TIAM1: variants seen among roughly 807,000 people sequenced by gnomAD.
TIAM1 encodes TIAM Rac1 associated GEF 1.
In TIAM1, 65 loss-of-function variants were observed where a neutral mutation model predicts 163.5. The observed-to-expected ratio is 0.40, with a 90% CI of 0.33 to 0.49. The LOEUF (loss-of-function observed/expected upper bound fraction) is 0.49. Ranked by LOEUF, TIAM1 falls within the 20% of genes least tolerant of loss-of-function variation. The pLI, the probability that TIAM1 is intolerant of heterozygous loss-of-function variation, is 0.77. For synonymous variants in TIAM1, 833 were observed against 810.1 expected (o/e 1.03, Z -0.48); for missense variants, 1,789 against 2,044.7 (o/e 0.87, Z 2.41).
chr21:31,261,174 C>A (rs908723017), intron 4 of TIAM1, among the ~76,000 whole-genome samples: 12 of 151,938 alleles, frequency 7.9e-5, no homozygotes, highest in African/African-American at 2.9e-4. Flanking sequence ...AGGGATGGCT[C>A]TGCTACAGTT....
chr21:31,289,275 T>G (rs929947714), intron 2 of TIAM1, among the ~76,000 whole-genome samples: 2 of 152,128 alleles, frequency 1.3e-5, no homozygotes, highest in Admixed American at 6.6e-5. Flanking sequence ...AAGAAAGACA[T>G]GGGTTAACTA....
chr21:31,558,169 C>T (rs552905507), intron 1 of TIAM1, among the ~76,000 whole-genome samples: 1 of 95,382 alleles, frequency 1.0e-5, no homozygotes, highest in African/African-American at 5.1e-5. Flanking sequence ...AGCCGGGTGG[C>T]GAGGGGCGCG....
At chr21:31,379,024 T>C (rs1057330092) in intron 2 of TIAM1, among the ~76,000 whole-genome samples, 1 of 152,210 alleles carries the variant, frequency 6.6e-6, no homozygotes, top group African/African-American at 2.4e-5. Flanking sequence ...CAGTTGACAA[T>C]GCAATGGCGC....
At chr21:31,257,834 C>T (rs565408645) in intron 4 of TIAM1, among the ~76,000 whole-genome samples, 46 of 152,252 alleles carry the variant, frequency 3.0e-4, no homozygotes, top group African/African-American at 1.0e-3. Context: ...TTTACTACAA[C>T]CAGAAGGCTT....
Position 31,141,963 on chromosome 21 carries a change from A to G in TIAM1, c.3476-459T>C, listed in dbSNP as rs2082867258. Reference sequence around the variant, plus strand: ...CTGCCACCTCCTGTCTGAGGCTCTTACACCCTGGGCCACCATTCCCCTGTC... The same window carrying G: ...CTGCCACCTCCTGTCTGAGGCTCTTGCACCCTGGGCCACCATTCCCCTGTC... On this transcript the variant is annotated intron_variant, in intron 20 of 27. Coordinates refer to ENST00000541036, the MANE Select transcript of TIAM1 (RefSeq NM_001353694.2). This position sits in a 1 kb window ranked among gnomAD's most constrained non-coding sequence, Gnocchi z 4.7. Among the ~76,000 whole-genome samples, 1 of 151,966 alleles carries G rather than the reference A, an allele frequency of 6.6e-6. No homozygotes were observed. The highest frequency in any genetic ancestry group is 2.4e-5 in the African/African-American group (1 of 41,368).
At chr21:31,254,484 A>C (rs1161901061) in intron 4 of TIAM1, among the ~76,000 whole-genome samples, 2 of 152,230 alleles carry the variant, frequency 1.3e-5, no homozygotes, top group East Asian at 3.8e-4. Context: ...ACCTGAGGTC[A>C]AGAGTTTGAG....
At chr21:31,144,201 C>T (rs1324677291) in intron 20 of TIAM1, among the ~76,000 whole-genome samples, 1 of 152,184 alleles carries the variant, frequency 6.6e-6, no homozygotes, top group Non-Finnish European at 1.5e-5. Context: ...GAAGAGTGGC[C>T]GACTGGCCCC....
chr21:31,486,815 G>A (rs1324314407), intron 1 of TIAM1, among the ~76,000 whole-genome samples: 1 of 152,216 alleles, frequency 6.6e-6, no homozygotes, highest in African/African-American at 2.4e-5. Flanking sequence ...GATGTAATGA[G>A]AGTCATATCA....
At position 31,266,584 on chromosome 21, in the gene TIAM1, T is replaced by C. The variant is rs1021315174; in HGVS notation, c.389A>G (p.Glu130Gly). ...AASVQSMPDT[E>G]ESRLYGDDAT... ...GTCATCCCCGTAAAGCCTGCTCTCCTCAGTGTCTGGCATGCTCTGCACAGA... is the reference window on the plus strand; with the variant it reads ...GTCATCCCCGTAAAGCCTGCTCTCCCCAGTGTCTGGCATGCTCTGCACAGA... The change falls in exon 4 of 28, where the codon GAG becomes GGG. Residue 130 changes from glutamate to glycine, a missense_variant. Glu to Gly is a moderately conservative substitution (Grantham distance 98, BLOSUM62 -2). Transcript: ENST00000541036. 2 of 1,614,214 alleles carry C rather than the reference T, an allele frequency of 1.2e-6. No individual in the cohort carries two copies. The highest frequency in any genetic ancestry group is 8.5e-7 in the Non-Finnish European group (1 of 1,180,038).
chr21:31,394,432 G>A lies in TIAM1; in HGVS notation c.-368-55010C>T, dbSNP rs540501316. 8.5e-5 allele frequency among the ~76,000 whole-genome samples: 13 copies of A among 152,276 alleles called. No homozygotes were observed. The South Asian group carries it at 2.1e-3, about 24-fold the overall frequency. The stretch of plus-strand genomic sequence containing the variant: ...GTGGGATACTATGTGGTGAACACAC[G>A]TAATTATACATTGGTCCAAACGCAC... On this transcript the variant is annotated intron_variant, in intron 2 of 28. Coordinates refer to the TIAM1 transcript ENST00000286827.
intron 3 of TIAM1, among the ~76,000 whole-genome samples, chr21:31,267,778 G>A (rs925772150): frequency 6.6e-6 from 1 of 152,136 alleles, no homozygotes; most frequent in African/African-American, 2.4e-5. Context: ...CTTAGCAGTA[G>A]ATTAATGGGT....
rs1423653588 is a variant in TIAM1 at position 31,130,932 on chromosome 21, C to A, written c.3900G>T (p.Val1300=). Residue 1300 remains valine (V), a synonymous_variant, in exon 24 of 28, where the codon GTG becomes GTT. Coordinates refer to ENST00000541036, the MANE Select transcript of TIAM1 (RefSeq NM_001353694.2). The part of the protein sequence containing the change: ...ELAAFVFKTA[V]VLVYKDGSKQ... Reference sequence around the variant, plus strand: ...TGGAACCATCTTTATACACAAGGACCACAGCAGTTTTGAAGACTGGAAAAA... The same window carrying A: ...TGGAACCATCTTTATACACAAGGACAACAGCAGTTTTGAAGACTGGAAAAA... 1.2e-6 allele frequency: 2 copies of A among 1,613,918 alleles called. No individual in the cohort carries two copies. Among genetic ancestry groups the A allele is most frequent in the Non-Finnish European group, 1.7e-6 (2 of 1,179,966 alleles).
At chr21:31,239,725 G>C (rs148044663) in intron 6 of TIAM1, among the ~76,000 whole-genome samples, 1 of 152,138 alleles carries the variant, frequency 6.6e-6, no homozygotes, top group Admixed American at 6.6e-5. Flanking sequence ...GGACAAGAGA[G>C]TAAAATAAGC....
rs1216173895 is a variant in TIAM1 at position 31,126,977 on chromosome 21, C to G, written c.4133+88G>C. The G allele has an allele frequency of 2.3e-6, 3 of 1,327,962 alleles. No homozygotes were observed. In the Admixed American group the frequency reaches 5.2e-5, roughly 23 times the overall value. The allele number at this position is 1,327,962 out of a possible 1,614,324, so 82.3% of individuals were successfully genotyped here. A position where few individuals can be genotyped will look rare whatever the true frequency, so the allele number is the denominator to read the frequency against. On this transcript the variant is annotated intron_variant, in intron 26 of 27. Coordinates refer to ENST00000541036, the MANE Select transcript of TIAM1 (RefSeq NM_001353694.2). ...GTGATGTTACAGTACAAACAACGTA[C>G]CAAACACCAGAACACAACGTAAGAC...
intron 1 of TIAM1, among the ~76,000 whole-genome samples, chr21:31,520,706 A>T (rs2047551065): frequency 6.6e-6 from 1 of 152,366 alleles, no homozygotes; most frequent in African/African-American, 2.4e-5. Context: ...AGGACAGCTG[A>T]AGCAACAAAG....
At chr21:31,436,820 T>C (rs761617456) in intron 2 of TIAM1, among the ~76,000 whole-genome samples, 7 of 151,836 alleles carry the variant, frequency 4.6e-5, no homozygotes, top group Non-Finnish European at 1.0e-4. Flanking sequence ...TTGCTGGGTG[T>C]GGTGGTGCAT....
chr21:31,407,879 C>T (rs1033747623), intron 2 of TIAM1, among the ~76,000 whole-genome samples: 1 of 152,028 alleles, frequency 6.6e-6, no homozygotes, highest in Non-Finnish European at 1.5e-5. Flanking sequence ...CTCAGGTGAT[C>T]GGCCAGCCTC....
chr21:31,269,042 C>T (rs114698322), intron 3 of TIAM1, among the ~76,000 whole-genome samples: 2,021 of 152,210 alleles, frequency 0.013, 34 homozygotes, highest in African/African-American at 0.043. Flanking sequence ...GCAAAACTGT[C>T]GCCTCAAATA....
chr21:31,331,291 T>G (rs1214550316), intron 2 of TIAM1, among the ~76,000 whole-genome samples: 1 of 152,186 alleles, frequency 6.6e-6, no homozygotes, highest in African/African-American at 2.4e-5. Flanking sequence ...ATATAATTAT[T>G]AAACTGAAGT....
Sources: gnomAD v4.1 joint callset for allele counts (sites outside exome capture counted in the v4.1 genomes callset) on GRCh38, gnomAD v4.1.1 for gene constraint, Gnocchi (gnomAD v3.1) non-coding constraint, MANE v1.5 for transcripts, NCBI Gene and HGNC (gene_info 2026-07-23, HGNC 2026-07-21) for gene names.